The following PCDHAC2 variants were observed in gnomAD, a reference collection of about 807,000 sequenced individuals.
PCDHAC2 encodes the protein protocadherin alpha subfamily C, 2.
Under a neutral mutation model 63.3 loss-of-function variants are expected in PCDHAC2, and 24 were observed. The ratio of observed to expected loss-of-function variants is 0.38; its 90% CI spans 0.27 to 0.53. The LOEUF is 0.53. Ranked by LOEUF, PCDHAC2 falls within the 20% of genes least tolerant of loss-of-function variation. PCDHAC2 has a pLI of 0.81. For missense variants in PCDHAC2, 1,181 were observed against 1,275.2 expected (o/e 0.93, Z 1.12); for synonymous variants, 569 against 529.4 (o/e 1.07, Z -1.03).
rs554849478 is a variant in PCDHAC2 at position 140,967,908 on chromosome 5, A to G, written c.1142A>G (p.Asn381Ser). 5 of 1,614,138 alleles carry G rather than the reference A, an allele frequency of 3.1e-6. No homozygotes were observed. Among genetic ancestry groups the G allele is most frequent in the East Asian group, 2.2e-5 (1 of 44,882 alleles). The part of the protein sequence containing the change: ...YSPVPENATP[N>S]TIVAVLSVND... ...CCAGTGCCTGAGAATGCTACACCCAACACCATTGTGGCCGTTCTCAGTGTC... is the reference window on the plus strand; with the variant it reads ...CCAGTGCCTGAGAATGCTACACCCAGCACCATTGTGGCCGTTCTCAGTGTC... The change falls in exon 1 of 4, where the codon AAC becomes AGC. Residue 381 changes from asparagine (N) to serine (S), a missense_variant. Asn to Ser is a conservative substitution (Grantham distance 46, BLOSUM62 1). Transcript: ENST00000289269.
chr5:140,978,967 G>C lies in PCDHAC2; in HGVS notation c.2584G>C (p.Asp862His), dbSNP rs782109224. 1.9e-6 allele frequency: 3 copies of C among 1,614,038 alleles called. No homozygotes were observed. The highest frequency in any genetic ancestry group is 1.1e-5 in the South Asian group (1 of 91,066). The stretch of plus-strand genomic sequence containing the variant: ...TTTGCAGCCACGACAGCCCAACCCT[G>C]ACTGGCGTTACTCTGCCTCCCTGAG... ...SQNEPRQPNPDWRYSASLRAG... is the reference protein window; with the variant it reads ...SQNEPRQPNPHWRYSASLRAG... The change falls in exon 2 of 4, where the codon GAC (aspartate) becomes CAC (histidine). Residue 862 changes from aspartate to histidine, a missense_variant. Asp to His is a moderately conservative substitution (Grantham distance 81). Coordinates refer to ENST00000289269, the MANE Select transcript of PCDHAC2 (RefSeq NM_018899.6).
intron 1 of PCDHAC2, among the ~76,000 whole-genome samples, chr5:140,969,939 G>A (rs188120855): frequency 4.6e-5 from 7 of 152,340 alleles, no homozygotes; most frequent in Admixed American, 2.6e-4. Context: ...ACATCATACT[G>A]AAGCTAAAGT....
Position 140,967,044 on chromosome 5 carries a change from A to G in PCDHAC2, c.278A>G (p.Asp93Gly). ...GAPSPRYLELDLTSGALFVNE... is the reference protein window; with the variant it reads ...GAPSPRYLELGLTSGALFVNE... ...CCCAGTCCGCGCTACCTGGAGCTGG[A>G]CCTGACGAGTGGAGCGCTCTTCGTC... is the stretch of plus-strand genomic sequence containing the variant. Residue 93 changes from aspartate to glycine, a missense_variant, in exon 1 of 4, where the codon GAC (aspartate) becomes GGC (glycine). Physicochemically the swap from Asp to Gly is moderately conservative, Grantham distance 94. Coordinates refer to ENST00000289269, the MANE Select transcript of PCDHAC2 (RefSeq NM_018899.6). 3 of 1,612,116 alleles carry G rather than the reference A, an allele frequency of 1.9e-6. No individual in the cohort carries two copies. Among genetic ancestry groups the G allele is most frequent in the Non-Finnish European group, 2.5e-6 (3 of 1,179,572 alleles).
intron 2 of PCDHAC2, 71 bp downstream of exon 2, chr5:140,979,078 A>C (rs2240296): frequency 3.8e-6 from 6 of 1,583,342 alleles, no homozygotes; most frequent in South Asian, 1.1e-5. Flanking sequence ...CTGCATCTCC[A>C]TAGGCCAGAA....
chr5:141,010,506 C>A lies in PCDHAC2; in HGVS notation c.*569C>A. ...CTTAAAGGGACCAGACTTTCTAAAT[C>A]TTACAACTCAAGAGGTGGCAGCCAC... is the stretch of plus-strand genomic sequence containing the variant. On this transcript the variant is annotated 3_prime_UTR_variant, in exon 4 of 4. Transcript: ENST00000289269. 1 of 549,534 alleles carries A rather than the reference C, an allele frequency of 1.8e-6. No homozygotes were observed. The highest frequency in any genetic ancestry group is 2.9e-6 in the Non-Finnish European group (1 of 344,162). 34.0% of individuals were successfully genotyped at this position (549,534 alleles called of 1,614,324 possible). A position where few individuals can be genotyped will look rare whatever the true frequency, so the allele number is the denominator to read the frequency against.
intron 3 of PCDHAC2, among the ~76,000 whole-genome samples, chr5:140,993,781 A>T (rs1587593339): frequency 6.6e-6 from 1 of 152,216 alleles, no homozygotes; most frequent in African/African-American, 2.4e-5. Flanking sequence ...TATTTTGTAC[A>T]GTAACATGCT....
chr5:140,995,684 A>G (rs2097694657), intron 3 of PCDHAC2, among the ~76,000 whole-genome samples: 1 of 152,144 alleles, frequency 6.6e-6, no homozygotes, highest in Non-Finnish European at 1.5e-5. Context: ...ATTTTTTTTA[A>G]TTGTTAAATA....
intron 3 of PCDHAC2, among the ~76,000 whole-genome samples, chr5:140,998,021 C>T (rs2097794085): frequency 6.6e-6 from 1 of 152,152 alleles, no homozygotes; most frequent in Non-Finnish European, 1.5e-5. Context: ...CCACCTCGAG[C>T]TAGTGCTATA....
At chr5:140,990,107 A>C (rs1359747896) in intron 3 of PCDHAC2, among the ~76,000 whole-genome samples, 1 of 152,044 alleles carries the variant, frequency 6.6e-6, no homozygotes, top group East Asian at 1.9e-4. Context: ...TGAAACAGGA[A>C]ATTGAGAGCT....
rs377373799 is a variant in PCDHAC2, at chr5:141,009,886, C to G, written c.2973C>G (p.Thr991=). 3.3e-5 allele frequency: 54 copies of G among 1,612,722 alleles called. No individual in the cohort carries two copies. The highest frequency in any genetic ancestry group is 4.6e-5 in the Non-Finnish European group (54 of 1,179,784). The stretch of plus-strand genomic sequence containing the variant: ...AGAAAAAGAAGAAGGGTAACAAGAC[C>G]CAGGAGAAAAAAGAGAAAGGGAACA... ...KKKKKKKGNK[T]QEKKEKGNST... Residue 991 remains threonine (T), a synonymous_variant, in exon 4 of 4, where the codon ACC becomes ACG. Transcript: ENST00000289269.
In PCDHAC2 at chr5:140,966,528, G is replaced by C; in HGVS notation, c.-239G>C. ...GCAGCAGCAGCAGGAAGCCGAGCCG[G>C]GTTGAGCGACTCGGAGGCGAGCGGA... On this transcript the variant is annotated 5_prime_UTR_variant, in exon 1 of 4. Coordinates refer to ENST00000289269, the MANE Select transcript of PCDHAC2 (RefSeq NM_018899.6). 2.2e-6 allele frequency: 1 copy of C among 446,634 alleles called. No homozygotes were observed. Among genetic ancestry groups the C allele is most frequent in the Non-Finnish European group, 3.9e-6 (1 of 258,830 alleles). The allele number at this position is 446,634 out of a possible 1,614,324, so 27.7% of individuals were successfully genotyped here.
At chr5:140,982,380 C>A in intron 2 of PCDHAC2, 95 bp from the exon 3 acceptor site, 1 of 1,577,206 alleles carries the variant, frequency 6.3e-7, no homozygotes, top group South Asian at 1.2e-5. Context: ...AGCTGCAGCC[C>A]TGGCTTCATA....
chr5:141,010,202 G>A lies in PCDHAC2; in HGVS notation c.*265G>A, dbSNP rs1354578914. The A allele has an allele frequency of 2.5e-5, 39 of 1,551,826 alleles. No homozygotes were observed. The highest frequency in any genetic ancestry group is 3.1e-5 in the Non-Finnish European group (36 of 1,147,058). On this transcript the variant is annotated 3_prime_UTR_variant, in exon 4 of 4. Transcript: ENST00000289269. ...CAGACCCAAGTTTCCTTTCTCCTCCGCCGCAAAGGAGAGGCTTCCCAGCCC... is the reference window on the plus strand; with the variant it reads ...CAGACCCAAGTTTCCTTTCTCCTCCACCGCAAAGGAGAGGCTTCCCAGCCC...
intron 3 of PCDHAC2, among the ~76,000 whole-genome samples, chr5:140,997,593 G>T (rs2097775607): frequency 6.6e-6 from 1 of 152,072 alleles, no homozygotes. Context: ...ACTGAAACAT[G>T]ATTATGGGGC....
rs184181976 is a variant in PCDHAC2, at chr5:141,009,882, A to C, written c.2969A>C (p.Lys990Thr). Reference protein sequence around the residue: ...KKKKKKKKGNKTQEKKEKGNS... With the variant: ...KKKKKKKKGNTTQEKKEKGNS... Reference sequence around the variant, plus strand: ...AAGAAGAAAAAGAAGAAGGGTAACAAGACCCAGGAGAAAAAAGAGAAAGGG... The same window carrying C: ...AAGAAGAAAAAGAAGAAGGGTAACACGACCCAGGAGAAAAAAGAGAAAGGG... The change falls in exon 4 of 4, where the codon AAG becomes ACG. Residue 990 changes from lysine (K) to threonine (T), a missense_variant. Physicochemically the swap from Lys to Thr is moderately conservative, Grantham distance 78. Transcript: ENST00000289269. 6.2e-7 allele frequency: 1 copy of C among 1,613,488 alleles called. No homozygotes were observed. Among genetic ancestry groups the C allele is most frequent in the Non-Finnish European group, 8.5e-7 (1 of 1,179,914 alleles).
chr5:140,966,974 C>T lies in PCDHAC2; in HGVS notation c.208C>T (p.Arg70Trp), dbSNP rs782333304. Residue 70 changes from arginine to tryptophan, a missense_variant, in exon 1 of 4, where the codon CGG becomes TGG. Arg to Trp is a moderately radical substitution (Grantham distance 101). Coordinates refer to ENST00000289269, the MANE Select transcript of PCDHAC2 (RefSeq NM_018899.6). Reference sequence around the variant, plus strand: ...GGCTCGCGCGCTGGGGCTTGAGCTGCGGCGCTTGGGGCCGGGTTGCTTGCG... The same window carrying T: ...GGCTCGCGCGCTGGGGCTTGAGCTGTGGCGCTTGGGGCCGGGTTGCTTGCG... ...NVARALGLEL[R>W]RLGPGCLRIN... is the part of the protein sequence containing the mutation. 2.5e-6 allele frequency: 4 copies of T among 1,602,874 alleles called. No individual in the cohort carries two copies. The highest frequency in any genetic ancestry group is 3.4e-6 in the Non-Finnish European group (4 of 1,177,870).
At chr5:140,983,461 A>G (rs1291305158) in intron 3 of PCDHAC2, among the ~76,000 whole-genome samples, 1 of 152,238 alleles carries the variant, frequency 6.6e-6, no homozygotes, top group Non-Finnish European at 1.5e-5. Flanking sequence ...TTAATAGAAC[A>G]TCATGATGAT....
intron 3 of PCDHAC2, among the ~76,000 whole-genome samples, chr5:140,984,073 G>A (rs1294401230): frequency 4.6e-5 from 7 of 152,222 alleles, no homozygotes; most frequent in Non-Finnish European, 7.3e-5. Context: ...CAGTGCCAAC[G>A]ATGGAGTGAA....
chr5:140,984,656 G>A (rs1465387950), intron 3 of PCDHAC2, among the ~76,000 whole-genome samples: 2 of 152,082 alleles, frequency 1.3e-5, no homozygotes, highest in Non-Finnish European at 2.9e-5. Context: ...TGTCCTTCTG[G>A]TACTTTTAGG....
Sources: allele counts gnomAD v4.1 joint callset (sites outside exome capture counted in the v4.1 genomes callset), GRCh38; gene constraint gnomAD v4.1.1; transcripts MANE v1.5; gene names NCBI Gene and HGNC (gene_info 2026-07-23, HGNC 2026-07-21).